Variants in SLC22A4 observed in about 807,000 individuals in gnomAD.
The protein encoded by SLC22A4 is ET transporter.
Under a neutral mutation model 56.6 loss-of-function variants are expected in SLC22A4, and 39 were observed. The ratio of observed to expected loss-of-function variants is 0.69; its 90% CI spans 0.53 to 0.90. The LOEUF (loss-of-function observed/expected upper bound fraction) is 0.90, where lower values mean the gene tolerates loss of function less well. Among genes scored for constraint, SLC22A4 ranks in the 40% least tolerant of loss-of-function variants. SLC22A4 has a pLI of 0.00. For missense variants in SLC22A4, 594 were observed against 696.5 expected (o/e 0.85, Z 1.66); for synonymous variants, 241 against 281.4 (o/e 0.86, Z 1.44).
At chr5:132,302,660 A>G (rs56769225) in intron 1 of SLC22A4, among the ~76,000 whole-genome samples, 1 of 152,236 alleles carries the variant, frequency 6.6e-6, no homozygotes, top group African/African-American at 2.4e-5. Flanking sequence ...GCTTCCCCTC[A>G]GTGCTTGGTG....
At chr5:132,336,110 C>A in intron 8 of SLC22A4, 110 bp downstream of exon 8, 1 of 1,108,824 alleles carries the variant, frequency 9.0e-7, no homozygotes, top group Non-Finnish European at 1.3e-6. Context: ...GAAAAAAGTA[C>A]AAGTTCACCT....
chr5:132,343,915 G>T lies in SLC22A4; in HGVS notation c.*80G>T. The T allele has an allele frequency of 1.2e-6, 1 of 860,198 alleles. No homozygotes were observed. Among genetic ancestry groups the T allele is most frequent in the Non-Finnish European group, 1.9e-6 (1 of 516,582 alleles). 53.3% of individuals were successfully genotyped at this position (860,198 alleles called of 1,614,324 possible). On this transcript the variant is annotated 3_prime_UTR_variant, in exon 10 of 10. Transcript: ENST00000200652. ...AGAAATTCGTTGTTCCCACTGAAATGGACTGACTGTAACGATTGACACCAA... is the reference window on the plus strand; with the variant it reads ...AGAAATTCGTTGTTCCCACTGAAATTGACTGACTGTAACGATTGACACCAA...
At position 132,334,852 on chromosome 5, in the gene SLC22A4, C is replaced by T. The variant is rs201507559; in HGVS notation, c.1181C>T (p.Thr394Ile). The T allele has an allele frequency of 2.2e-4, 351 of 1,613,684 alleles. No homozygotes were observed. The highest frequency in any genetic ancestry group is 2.8e-4 in the Non-Finnish European group (326 of 1,179,682). ...ATTACAGCCTGGCTGCTATTGCGAA[C>T]CCTGCCCAGGCGTTATATCATAGCT... is the stretch of plus-strand genomic sequence containing the variant. ...AYITAWLLLR[T>I]LPRRYIIAAV... The change falls in exon 7 of 10, where the codon ACC becomes ATC. Residue 394 changes from threonine to isoleucine, a missense_variant. Physicochemically the swap from Thr to Ile is moderately conservative, Grantham distance 89. Transcript: ENST00000200652.
chr5:132,340,440 T>TC (rs1751178660), intron 8 of SLC22A4, 125 bp from the exon 9 acceptor site: 3 of 929,560 alleles, frequency 3.2e-6, no homozygotes, highest in South Asian at 1.3e-5. Flanking sequence ...TACTTTTTTT[T>TC]CTCTGAAAAT....
intron 4 of SLC22A4, among the ~76,000 whole-genome samples, chr5:132,325,371 T>C (rs1433401151): frequency 6.6e-6 from 1 of 152,248 alleles, no homozygotes; most frequent in East Asian, 1.9e-4. Context: ...ATGTGGTTAG[T>C]GGGTGCTGTC....
chr5:132,317,722 G>A (rs1750403675), intron 3 of SLC22A4, among the ~76,000 whole-genome samples: 1 of 152,200 alleles, frequency 6.6e-6, no homozygotes. Flanking sequence ...CTGCCAAACT[G>A]TTTTCAAAAT....
At chr5:132,302,267 G>T (rs1181342307) in intron 1 of SLC22A4, among the ~76,000 whole-genome samples, 2 of 152,048 alleles carry the variant, frequency 1.3e-5, no homozygotes, top group African/African-American at 4.8e-5. Context: ...GTGGGCAGCA[G>T]AACTCTCAGA....
chr5:132,317,283 C>G (rs2126716884), intron 3 of SLC22A4, among the ~76,000 whole-genome samples: 1 of 152,334 alleles, frequency 6.6e-6, no homozygotes, highest in South Asian at 2.1e-4. Context: ...AGTTGTACAG[C>G]CATCAACACT....
chr5:132,304,078 G>C (rs1749968393), intron 1 of SLC22A4, among the ~76,000 whole-genome samples: 1 of 152,156 alleles, frequency 6.6e-6, no homozygotes, highest in South Asian at 2.1e-4. Flanking sequence ...TAGTTTACCA[G>C]GAAAAAACAG....
intron 4 of SLC22A4, among the ~76,000 whole-genome samples, chr5:132,322,614 T>A (rs1450565189): frequency 1.3e-5 from 2 of 152,202 alleles, no homozygotes; most frequent in Non-Finnish European, 1.5e-5. Flanking sequence ...TGTTGCTACT[T>A]GTTATTTGTG....
intron 1 of SLC22A4, chr5:132,295,648 C>G: frequency 4.5e-6 from 1 of 221,696 alleles, no homozygotes; most frequent in South Asian, 5.8e-5. Flanking sequence ...GGGCTGTAGC[C>G]CCTCAGCACC....
chr5:132,316,176 G>A (rs1703216402), intron 3 of SLC22A4, among the ~76,000 whole-genome samples: 1 of 152,122 alleles, frequency 6.6e-6, no homozygotes, highest in African/African-American at 2.4e-5. Context: ...CATTAACTTG[G>A]GAAGCCAAAT....
rs1749744631 is a variant in SLC22A4, at chr5:132,294,975, G to A, written c.359G>A (p.Ser120Asn). ...AGCTGCCTGGATGGCTGGGAGTTCA[G>A]CCAGGACGTCTACCTGTCCACCGTC... Reference protein sequence around the residue: ...QESCLDGWEFSQDVYLSTVVT... With the variant: ...QESCLDGWEFNQDVYLSTVVT... The change falls in exon 1 of 10, where the codon AGC becomes AAC. Residue 120 changes from serine (S) to asparagine (N), a missense_variant. Transcript: ENST00000200652. The surrounding 1 kb of genome is among the most constrained non-coding windows in gnomAD (Gnocchi z 5.6). 1 of 1,607,412 alleles carries A rather than the reference G, an allele frequency of 6.2e-7. No homozygotes were observed. The highest frequency in any genetic ancestry group is 8.5e-7 in the Non-Finnish European group (1 of 1,177,592).
At position 132,300,048 on chromosome 5, in the gene SLC22A4, G is replaced by A. The variant is rs142017197; in HGVS notation, c.393+5039G>A. Among the ~76,000 whole-genome samples the A allele has an allele frequency of 8.3e-3, 1,259 of 152,240 alleles. 23 individuals carry two copies. The highest frequency in any genetic ancestry group is 0.029 in the African/African-American group (1,211 of 41,532). Reference sequence around the variant, plus strand: ...ATGTCTCAGTCTCCAATCTGTGATTGTTCCTTAGTCTTTCCTTATCTTTCA... The same window carrying A: ...ATGTCTCAGTCTCCAATCTGTGATTATTCCTTAGTCTTTCCTTATCTTTCA... On this transcript the variant is annotated intron_variant, in intron 1 of 9. Transcript: ENST00000200652.
At chr5:132,295,087 G>C in intron 1 of SLC22A4, 78 bp downstream of exon 1, 1 of 1,474,384 alleles carries the variant, frequency 6.8e-7, no homozygotes, top group Non-Finnish European at 9.3e-7. Context: ...GACTCCCTGC[G>C]CAGTGCCCGG....
At chr5:132,340,828 A>T in intron 9 of SLC22A4, 128 bp downstream of exon 9, 3 of 1,019,914 alleles carry the variant, frequency 2.9e-6, no homozygotes, top group Non-Finnish European at 4.6e-6. Flanking sequence ...AATAAAGCAT[A>T]TTGTTGGCTG....
chr5:132,297,428 C>T (rs536290465), intron 1 of SLC22A4, among the ~76,000 whole-genome samples: 61 of 152,068 alleles, frequency 4.0e-4, no homozygotes, highest in Non-Finnish European at 8.4e-4. Context: ...TGGCTCTCCC[C>T]CAGAGGGGCG....
chr5:132,338,130 C>A (rs1399248593), intron 8 of SLC22A4, among the ~76,000 whole-genome samples: 1 of 151,988 alleles, frequency 6.6e-6, no homozygotes, highest in Non-Finnish European at 1.5e-5. Context: ...TCCCTAAGTG[C>A]CAGCTGGTCT....
intron 1 of SLC22A4, among the ~76,000 whole-genome samples, chr5:132,308,578 TTA>T (rs1380756966): frequency 6.6e-6 from 1 of 151,958 alleles, no homozygotes. Flanking sequence ...GTCTTTCCCA[TTA>T]CTCCCTTTAC....
Sources: gnomAD v4.1 joint callset for allele counts (sites outside exome capture counted in the v4.1 genomes callset) on GRCh38, gnomAD v4.1.1 for gene constraint, Gnocchi (gnomAD v3.1) non-coding constraint, MANE v1.5 for transcripts, NCBI Gene and HGNC (gene_info 2026-07-23, HGNC 2026-07-21) for gene names.